Variants in LDB2 observed in about 807,000 individuals in gnomAD.
The protein encoded by LDB2 is LIM domain binding 2.
Under a neutral mutation model 44.3 loss-of-function variants are expected in LDB2, and 12 were observed. That is an observed-to-expected ratio of 0.27 (90% CI 0.17 to 0.44). The LOEUF is 0.44. Ranked by LOEUF, LDB2 falls within the 20% of genes least tolerant of loss-of-function variation. The pLI, the probability that LDB2 is intolerant of heterozygous loss-of-function variation, is 1.00. For synonymous variants in LDB2, 164 were observed against 174.8 expected (o/e 0.94, Z 0.49); for missense variants, 344 against 473.5 (o/e 0.73, Z 2.54).
rs907672363 is a variant in LDB2, at chr4:16,595,965, G to T, written c.236-90C>A. ...CACCATTGCCAAACCTCCTAAAACC[G>T]GATACTGATCATCTCAAGAAACCAT... On this transcript the variant is annotated intron_variant, in intron 2 of 7. Transcript: ENST00000304523. 10 of 1,285,520 alleles carry T rather than the reference G, an allele frequency of 7.8e-6. No individual in the cohort carries two copies. In the Admixed American group the frequency reaches 1.3e-4, roughly 17 times the overall value. 79.6% of individuals were successfully genotyped at this position (1,285,520 alleles called of 1,614,324 possible). A position where few individuals can be genotyped will look rare whatever the true frequency, so the allele number is the denominator to read the frequency against.
At chr4:16,780,111 G>A (rs1046751637) in intron 1 of LDB2, among the ~76,000 whole-genome samples, 1 of 152,092 alleles carries the variant, frequency 6.6e-6, no homozygotes. Flanking sequence ...TAGAGCAGGT[G>A]ACAAACAATA....
At chr4:16,615,018 C>T (rs376566962) in intron 2 of LDB2, among the ~76,000 whole-genome samples, 22 of 135,074 alleles carry the variant, frequency 1.6e-4, no homozygotes, top group Admixed American at 4.2e-4. Flanking sequence ...TGCAGTGAGC[C>T]GAGATCCCGC....
intron 1 of LDB2, among the ~76,000 whole-genome samples, chr4:16,890,315 C>T (rs1722994807): frequency 1.3e-5 from 2 of 152,112 alleles, no homozygotes; most frequent in South Asian, 2.1e-4. Context: ...AAAATATCAC[C>T]TTGGCTGTTT....
At chr4:16,720,236 T>C (rs1451246824) in intron 2 of LDB2, among the ~76,000 whole-genome samples, 1 of 151,978 alleles carries the variant, frequency 6.6e-6, no homozygotes, top group Non-Finnish European at 1.5e-5. Flanking sequence ...TTAAGAAAGA[T>C]TATCCTAGAT....
intron 1 of LDB2, among the ~76,000 whole-genome samples, chr4:16,788,120 T>C (rs983436541): frequency 4.6e-5 from 7 of 152,200 alleles, no homozygotes; most frequent in African/African-American, 1.4e-4. Context: ...GGGCTGGGCA[T>C]TGGGCTGCGA....
chr4:16,799,039 G>T lies in LDB2; in HGVS notation c.133-39779C>A, dbSNP rs564705221. Among the ~76,000 whole-genome samples the T allele has an allele frequency of 2.5e-4, 38 of 152,190 alleles. No individual in the cohort carries two copies. The South Asian group carries it at 7.0e-3, about 28-fold the overall frequency. ...CTAATTTTTTTTTGTATTTTTAGTA[G>T]AGACCGGGTTTCACCGTGTTAGCCA... On this transcript the variant is annotated intron_variant, in intron 1 of 7. Coordinates refer to ENST00000304523, the MANE Select transcript of LDB2 (RefSeq NM_001290.5).
intron 1 of LDB2, among the ~76,000 whole-genome samples, chr4:16,866,239 T>G (rs1050154530): frequency 6.6e-6 from 1 of 152,160 alleles, no homozygotes; most frequent in African/African-American, 2.4e-5. Flanking sequence ...AATAAAGATG[T>G]GAGTTACAAA....
At chr4:16,822,274 A>T (rs1782243533) in intron 1 of LDB2, among the ~76,000 whole-genome samples, 1 of 152,196 alleles carries the variant, frequency 6.6e-6, no homozygotes, top group South Asian at 2.1e-4. Flanking sequence ...GTAGGCTAAT[A>T]GACCATTGGT....
intron 2 of LDB2, among the ~76,000 whole-genome samples, chr4:16,701,605 A>C (rs1316538425): frequency 6.6e-6 from 1 of 152,174 alleles, no homozygotes; most frequent in Non-Finnish European, 1.5e-5. Context: ...AATGCAGAGG[A>C]GTTAAGTAAC....
At chr4:16,892,463 G>A (rs1369395105) in intron 1 of LDB2, among the ~76,000 whole-genome samples, 2 of 152,156 alleles carry the variant, frequency 1.3e-5, no homozygotes, top group Non-Finnish European at 2.9e-5. Context: ...GAAGGAAAAC[G>A]CCTTGTCAGA....
At chr4:16,708,076 A>C (rs1307548072) in intron 2 of LDB2, among the ~76,000 whole-genome samples, 4 of 152,190 alleles carry the variant, frequency 2.6e-5, no homozygotes, top group Non-Finnish European at 5.9e-5. Context: ...TGGAAACTCC[A>C]TTCTTTTAAC....
At chr4:16,630,120 C>T (rs1268447300) in intron 2 of LDB2, among the ~76,000 whole-genome samples, 1 of 152,062 alleles carries the variant, frequency 6.6e-6, no homozygotes, top group Admixed American at 6.6e-5. Flanking sequence ...AAGAGAAACC[C>T]CAAAACACAT....
In LDB2 at chr4:16,659,689, A is replaced by ATATATATATATATG. The variant is rs1310756163; in HGVS notation, c.236-63815_236-63814insCATATATATATATA. 2.3e-3 allele frequency among the ~76,000 whole-genome samples: 321 copies of ATATATATATATATG among 140,572 alleles called. 10 individuals are homozygous for ATATATATATATATG. The highest frequency in any genetic ancestry group is 6.9e-4 in the East Asian group (3 of 4,346). 92.2% of individuals were successfully genotyped at this position (140,572 alleles called of 152,430 possible). A position where few individuals can be genotyped will look rare whatever the true frequency, so the allele number is the denominator to read the frequency against. On this transcript the variant is annotated intron_variant, in intron 2 of 7. Coordinates refer to ENST00000304523, the MANE Select transcript of LDB2 (RefSeq NM_001290.5). ...TATGTGTGTATATATATATATATAT[A>ATATATATATATATG]TATGTATGTATGTATATATGTAACA...
At chr4:16,678,309 C>T (rs1001679951) in intron 2 of LDB2, among the ~76,000 whole-genome samples, 1 of 152,196 alleles carries the variant, frequency 6.6e-6, no homozygotes, top group Non-Finnish European at 1.5e-5. Context: ...GTACCAGGCC[C>T]ACTGATAAAT....
chr4:16,541,691 AAC>A (rs2152325985), intron 5 of LDB2, among the ~76,000 whole-genome samples: 1 of 152,282 alleles, frequency 6.6e-6, no homozygotes, highest in South Asian at 2.1e-4. Context: ...GACTCACAAG[AAC>A]ACATAATAGA....
chr4:16,553,900 G>T (rs1044319438), intron 5 of LDB2, among the ~76,000 whole-genome samples: 1 of 152,090 alleles, frequency 6.6e-6, no homozygotes, highest in Non-Finnish European at 1.5e-5. Flanking sequence ...GCTAGTGACT[G>T]GCCAAGTAGG....
At chr4:16,692,761 A>G (rs139261173) in intron 2 of LDB2, among the ~76,000 whole-genome samples, 11 of 152,284 alleles carry the variant, frequency 7.2e-5, no homozygotes, top group Middle Eastern at 3.4e-3. Flanking sequence ...TTCGCAGTCC[A>G]TGAGGCTGAG....
Position 16,708,900 on chromosome 4 carries a change from TCTC to T in LDB2, c.235+50255_235+50257del, listed in dbSNP as rs199910734. Reference sequence around the variant, plus strand: ...TTGAAAGGGAAAATGACAATAATCTTCTCCTCACTCTGCAGGTCTCTACCCTGC... The same window carrying T: ...TTGAAAGGGAAAATGACAATAATCTTCTCACTCTGCAGGTCTCTACCCTGC... On this transcript the variant is annotated intron_variant, in intron 2 of 7. Transcript: ENST00000304523. 5.7e-3 allele frequency among the ~76,000 whole-genome samples: 863 copies of T among 151,924 alleles called. 4 individuals carry two copies. The highest frequency in any genetic ancestry group is 0.024 in the Middle Eastern group (7 of 294).
intron 1 of LDB2, among the ~76,000 whole-genome samples, chr4:16,831,803 T>C (rs1308490697): frequency 6.6e-6 from 1 of 152,194 alleles, no homozygotes; most frequent in Non-Finnish European, 1.5e-5. Flanking sequence ...CATTAGCTAA[T>C]GGAGTATCAG....
Sources: gnomAD v4.1 joint callset for allele counts (sites outside exome capture counted in the v4.1 genomes callset) on GRCh38, gnomAD v4.1.1 for gene constraint, MANE v1.5 for transcripts, NCBI Gene and HGNC (gene_info 2026-07-23, HGNC 2026-07-21) for gene names.